RALYL: variants seen among roughly 807,000 people sequenced by gnomAD.
The protein encoded by RALYL is RNA-binding Raly-like protein.
Under a neutral mutation model 35.1 loss-of-function variants are expected in RALYL, and 29 were observed. The ratio of observed to expected loss-of-function variants is 0.83; its 90% CI spans 0.61 to 1.13. The LOEUF (loss-of-function observed/expected upper bound fraction) is 1.13, where lower values mean the gene tolerates loss of function less well. Ranked by LOEUF, RALYL falls within the 50% of genes most tolerant of loss-of-function variation. The pLI is 0.00. For synonymous variants in RALYL, 120 were observed against 127.6 expected (o/e 0.94, Z 0.40); for missense variants, 359 against 360.4 (o/e 1.00, Z 0.03).
chr8:84,643,244 C>T (rs918429150), intron 2 of RALYL, among the ~76,000 whole-genome samples: 2 of 151,744 alleles, frequency 1.3e-5, no homozygotes. Flanking sequence ...AAGGGTACCA[C>T]AAATACAAAC....
chr8:84,389,780 C>G (rs1264874245), intron 1 of RALYL, among the ~76,000 whole-genome samples: 3 of 149,790 alleles, frequency 2.0e-5, no homozygotes, highest in African/African-American at 7.5e-5. Context: ...ACAATCATGT[C>G]GTCTGCAAAC....
chr8:84,506,734 T>C (rs2057199851), intron 1 of RALYL, among the ~76,000 whole-genome samples: 1 of 152,088 alleles, frequency 6.6e-6, no homozygotes, highest in Non-Finnish European at 1.5e-5. Context: ...AATATCCCTG[T>C]ACTGAGTTTA....
chr8:84,909,280 T>A (rs1847102075), intron 8 of RALYL, among the ~76,000 whole-genome samples: 1 of 152,200 alleles, frequency 6.6e-6, no homozygotes. Flanking sequence ...GCCAGGCTAG[T>A]GCCCAAATGT....
intron 1 of RALYL, among the ~76,000 whole-genome samples, chr8:84,318,737 A>C (rs1319383532): frequency 6.6e-6 from 1 of 152,216 alleles, no homozygotes; most frequent in Non-Finnish European, 1.5e-5. Context: ...TATAGGAGTG[A>C]TAAAAGAGTT....
At chr8:84,730,967 A>G (rs1846068361) in intron 2 of RALYL, among the ~76,000 whole-genome samples, 1 of 152,090 alleles carries the variant, frequency 6.6e-6, no homozygotes. Flanking sequence ...AAAGAAGGAA[A>G]AGGTGGTGCA....
At chr8:84,410,609 TC>T (rs1274654594) in intron 1 of RALYL, among the ~76,000 whole-genome samples, 1 of 151,890 alleles carries the variant, frequency 6.6e-6, no homozygotes, top group Non-Finnish European at 1.5e-5. Context: ...TTACAATATG[TC>T]GTTTTTAAAA....
intron 1 of RALYL, among the ~76,000 whole-genome samples, chr8:84,464,174 G>A (rs1320365460): frequency 6.7e-6 from 1 of 149,860 alleles, no homozygotes; most frequent in African/African-American, 2.5e-5. Context: ...AAGTTTTAGG[G>A]TACATGTGCA....
intron 1 of RALYL, among the ~76,000 whole-genome samples, chr8:84,212,680 A>G (rs2196615): frequency 0.26 from 40,110 of 152,078 alleles, 5,504 homozygotes; most frequent in African/African-American, 0.32. Context: ...TGAGCAATGT[A>G]TAAATAGAAA....
chr8:84,400,914 A>AT (rs2042826132), intron 1 of RALYL, among the ~76,000 whole-genome samples: 1 of 152,046 alleles, frequency 6.6e-6, no homozygotes, highest in Non-Finnish European at 1.5e-5. Flanking sequence ...GAATGAATAC[A>AT]TTTTTTTCTT....
intron 1 of RALYL, among the ~76,000 whole-genome samples, chr8:84,504,087 T>C (rs1259512590): frequency 6.6e-6 from 1 of 151,922 alleles, no homozygotes; most frequent in Admixed American, 6.6e-5. Context: ...TCCTGGGAGA[T>C]ACTTAACTAA....
intron 1 of RALYL, among the ~76,000 whole-genome samples, chr8:84,454,857 C>A (rs946616775): frequency 6.6e-6 from 1 of 151,998 alleles, no homozygotes. Flanking sequence ...CTCAGGAAAT[C>A]TTTATTTTAT....
intron 2 of RALYL, among the ~76,000 whole-genome samples, chr8:84,639,114 T>C (rs1356076511): frequency 6.6e-6 from 1 of 151,010 alleles, no homozygotes; most frequent in Non-Finnish European, 1.5e-5. Flanking sequence ...TGGGCAGAAC[T>C]AGTCCATGGT....
intron 3 of RALYL, among the ~76,000 whole-genome samples, chr8:84,798,872 A>G (rs1312722620): frequency 1.3e-5 from 2 of 152,224 alleles, no homozygotes; most frequent in Non-Finnish European, 1.5e-5. Context: ...TGCACAGGGG[A>G]AAAAGCAAGA....
intron 1 of RALYL, among the ~76,000 whole-genome samples, chr8:84,408,155 T>C (rs955139189): frequency 2.0e-5 from 3 of 152,164 alleles, no homozygotes; most frequent in Non-Finnish European, 4.4e-5. Flanking sequence ...GTTTAAAATG[T>C]CATCCACATG....
intron 1 of RALYL, among the ~76,000 whole-genome samples, chr8:84,298,668 T>C (rs1399600040): frequency 6.6e-6 from 1 of 152,182 alleles, no homozygotes; most frequent in African/African-American, 2.4e-5. Flanking sequence ...TTTAGCAGTA[T>C]TGATTCTTTC....
chr8:84,816,755 A>AGAG (rs1465996431), intron 4 of RALYL, among the ~76,000 whole-genome samples: 4 of 152,156 alleles, frequency 2.6e-5, no homozygotes, highest in Admixed American at 6.5e-5. Context: ...AGTAACTATA[A>AGAG]GAGTGTAATT....
intron 1 of RALYL, among the ~76,000 whole-genome samples, chr8:84,411,105 A>G (rs918693862): frequency 2.6e-5 from 4 of 151,938 alleles, no homozygotes; most frequent in Admixed American, 2.6e-4. Flanking sequence ...AATAATCAGA[A>G]CAAATTTTCT....
At chr8:84,909,119 A>G (rs1847068129) in intron 8 of RALYL, among the ~76,000 whole-genome samples, 1 of 152,132 alleles carries the variant, frequency 6.6e-6, no homozygotes, top group African/African-American at 2.4e-5. Flanking sequence ...TGACATGTCT[A>G]ATGATTTCCA....
At chr8:84,468,045 G>T (rs1409010350) in intron 1 of RALYL, among the ~76,000 whole-genome samples, 2 of 149,078 alleles carry the variant, frequency 1.3e-5, no homozygotes, top group African/African-American at 5.0e-5. Context: ...GTCTCTGCAT[G>T]TGAGATGGGT....
Sources: allele counts gnomAD v4.1 joint callset (sites outside exome capture counted in the v4.1 genomes callset), GRCh38; gene constraint gnomAD v4.1.1; transcripts MANE v1.5; gene names NCBI Gene and HGNC (gene_info 2026-07-23, HGNC 2026-07-21).